Variants in GFRA3 observed in about 807,000 individuals in gnomAD.
The protein encoded by GFRA3 is GDNF family receptor alpha 3, also known as GDNF family receptor alpha-3.
Under a neutral mutation model 40.0 loss-of-function variants are expected in GFRA3, and 24 were observed. The observed-to-expected ratio is 0.60, with a 90% CI of 0.43 to 0.84. GFRA3 has a LOEUF of 0.84. Among genes scored for constraint, GFRA3 ranks in the 40% least tolerant of loss-of-function variants. The pLI is 0.00. For missense variants in GFRA3, 405 were observed against 530.6 expected, an observed-to-expected ratio of 0.76 and a Z score of 2.33; for synonymous variants, 203 against 213.5, an observed-to-expected ratio of 0.95 and a Z score of 0.43.
At chr5:138,263,295 G>A (rs1375643372) in intron 2 of GFRA3, among the ~76,000 whole-genome samples, 1 of 152,042 alleles carries the variant, frequency 6.6e-6, no homozygotes, top group East Asian at 1.9e-4. Flanking sequence ...GAGCTTTTAG[G>A]GCATCTTCCA....
At chr5:138,270,876 A>G (rs1248118830) in intron 1 of GFRA3, among the ~76,000 whole-genome samples, 1 of 152,136 alleles carries the variant, frequency 6.6e-6, no homozygotes, top group African/African-American at 2.4e-5. Flanking sequence ...ACATGGATTT[A>G]AAAAGATTGA....
chr5:138,259,582 G>C lies in GFRA3; in HGVS notation c.447C>G (p.Leu149=). 6.4e-7 allele frequency: 1 copy of C among 1,556,478 alleles called. No homozygotes were observed. The highest frequency in any genetic ancestry group is 8.9e-7 in the Non-Finnish European group (1 of 1,127,390). The change falls in exon 3 of 8, where the codon CTC becomes CTG. Residue 149 remains leucine (L), a synonymous_variant. Transcript: ENST00000274721. The part of the protein sequence containing the change: ...TVTSKPWKMN[L]SKLNMLKPDS... ...CTGGTTTGAGCATGTTCAGTTTGCT[G>C]AGATTCATTTTCCAGGGTTTGCTGG...
intron 4 of GFRA3, among the ~76,000 whole-genome samples, chr5:138,255,955 C>T (rs922761783): frequency 2.0e-5 from 3 of 150,540 alleles, no homozygotes; most frequent in Non-Finnish European, 4.4e-5. Context: ...TGGCTGGGCA[C>T]GGTGGCTCAC....
intron 1 of GFRA3, among the ~76,000 whole-genome samples, chr5:138,269,290 C>CT (rs1469258021): frequency 6.6e-6 from 1 of 151,572 alleles, no homozygotes; most frequent in East Asian, 2.0e-4. Context: ...AATCCCAGCA[C>CT]TTTGGGAGGC....
At position 138,257,955 on chromosome 5, in the gene GFRA3, G is replaced by A. The variant is rs368614593; in HGVS notation, c.473-4C>T. On this transcript the variant is annotated splice_polypyrimidine_tract_variant and splice_region_variant and intron_variant, in intron 3 of 7. Transcript: ENST00000274721. ...AACTTGAGGCAGAGGTCTGAGTCTGGGGGGAAAGGGCACGGAGTCAGTCGG... is the reference window on the plus strand; with the variant it reads ...AACTTGAGGCAGAGGTCTGAGTCTGAGGGGAAAGGGCACGGAGTCAGTCGG... The A allele has an allele frequency of 3.7e-6, 6 of 1,613,418 alleles. No homozygotes were observed. The highest frequency in any genetic ancestry group is 4.2e-6 in the Non-Finnish European group (5 of 1,179,460).
intron 4 of GFRA3, among the ~76,000 whole-genome samples, chr5:138,254,963 G>C (rs1755605543): frequency 6.6e-6 from 1 of 151,228 alleles, no homozygotes; most frequent in African/African-American, 2.4e-5. Context: ...AAGAGAAAGA[G>C]AGACAGAGAG....
chr5:138,270,334 T>C (rs553130120), intron 1 of GFRA3, among the ~76,000 whole-genome samples: 1 of 146,990 alleles, frequency 6.8e-6, no homozygotes, highest in Admixed American at 6.9e-5. Flanking sequence ...ATCACGCCAC[T>C]GCACTCCAGC....
At chr5:138,258,324 G>A (rs1003248090) in intron 3 of GFRA3, among the ~76,000 whole-genome samples, 6 of 151,568 alleles carry the variant, frequency 4.0e-5, no homozygotes, top group African/African-American at 1.2e-4. Context: ...GGGATTACAC[G>A]CATGCGCCAC....
In GFRA3 at chr5:138,264,375, C is replaced by T. The variant is rs781312493; in HGVS notation, c.265G>A (p.Ala89Thr). ...GAGCTGTTCCTGAGTTGCTGTGCTG[C>T]CTCCAGGCAGTCAGCAGGGACCGAA... is the stretch of plus-strand genomic sequence containing the variant. ...EPSVPADCLE[A>T]AQQLRNSSLI... Residue 89 changes from alanine to threonine, a missense_variant, in exon 2 of 8, where the codon GCA becomes ACA. Transcript: ENST00000274721. 2 of 1,613,762 alleles carry T rather than the reference C, an allele frequency of 1.2e-6. No homozygotes were observed. The highest frequency in any genetic ancestry group is 8.5e-7 in the Non-Finnish European group (1 of 1,179,616).
At chr5:138,260,540 G>A (rs972526871) in intron 2 of GFRA3, among the ~76,000 whole-genome samples, 2 of 152,136 alleles carry the variant, frequency 1.3e-5, no homozygotes, top group Non-Finnish European at 2.9e-5. Flanking sequence ...AGGCCTAGGC[G>A]GGTAGATCAC....
chr5:138,264,475 G>A lies in GFRA3; in HGVS notation c.165C>T (p.Pro55=), dbSNP rs1755754034. ...GGTGGTGGTAGGCAGCACTGCAGGTGGGATCAGCCTGGCACTTCCTCCTGG... is the reference window on the plus strand; with the variant it reads ...GGTGGTGGTAGGCAGCACTGCAGGTAGGATCAGCCTGGCACTTCCTCCTGG... The part of the protein sequence containing the change: ...LQARRKCQAD[P]TCSAAYHHLD... Residue 55 remains proline (P), a synonymous_variant, in exon 2 of 8, where the codon CCC becomes CCT. Transcript: ENST00000274721. 3 of 1,613,068 alleles carry A rather than the reference G, an allele frequency of 1.9e-6. No individual in the cohort carries two copies. Among genetic ancestry groups the A allele is most frequent in the African/African-American group, 2.7e-5 (2 of 74,872 alleles).
rs1755924584 is a variant in GFRA3, at chr5:138,274,585, A to AGCGCGCGTCCACACC, written c.-176_-162dup. On this transcript the variant is annotated 5_prime_UTR_variant, in exon 1 of 8. Coordinates refer to ENST00000274721, the MANE Select transcript of GFRA3 (RefSeq NM_001496.4). ...CCTGGGCGCCGCCCTCCAACTCCGAAGCGCGCGTCCACACCACGCGCCTCC... is the reference window on the plus strand; with the variant it reads ...CCTGGGCGCCGCCCTCCAACTCCGAAGCGCGCGTCCACACCGCGCGCGTCCACACCACGCGCCTCC... 1 of 1,219,604 alleles carries AGCGCGCGTCCACACC rather than the reference A, an allele frequency of 8.2e-7. No individual in the cohort carries two copies. The highest frequency in any genetic ancestry group is 1.0e-6 in the Non-Finnish European group (1 of 980,858). 75.5% of individuals were successfully genotyped at this position (1,219,604 alleles called of 1,614,324 possible). A position where few individuals can be genotyped will look rare whatever the true frequency, so the allele number is the denominator to read the frequency against.
intron 7 of GFRA3, 27 bp from the exon 8 acceptor site, chr5:138,253,084 C>T: frequency 7.6e-7 from 1 of 1,323,520 alleles, no homozygotes; most frequent in Non-Finnish European, 1.1e-6. Flanking sequence ...ATGGAGTTAG[C>T]TCAGGGGATT....
At chr5:138,262,578 G>A (rs1755727248) in intron 2 of GFRA3, among the ~76,000 whole-genome samples, 1 of 151,962 alleles carries the variant, frequency 6.6e-6, no homozygotes. Context: ...TCAGCCTCCC[G>A]AGTAGCTGGG....
chr5:138,252,768 C>A lies in GFRA3; in HGVS notation c.*200G>T, dbSNP rs775646123. ...CTAAATTGTGGCCACCAAGGAGGGG[C>A]AGCATGAATCAGAAGTGGAGATGGG... On this transcript the variant is annotated 3_prime_UTR_variant, in exon 8 of 8. Transcript: ENST00000274721. 93 of 476,526 alleles carry A rather than the reference C, an allele frequency of 2.0e-4. No individual in the cohort carries two copies. Among genetic ancestry groups the A allele is most frequent in the Non-Finnish European group, 3.2e-4 (85 of 262,236 alleles). The allele number at this position is 476,526 out of a possible 1,614,324, so 29.5% of individuals were successfully genotyped here. A position where few individuals can be genotyped will look rare whatever the true frequency, so the allele number is the denominator to read the frequency against.
Position 138,274,538 on chromosome 5 carries a change from GCA to G in GFRA3, c.-116_-115del. ...CCCGCCTCCCGCCCTCCAGCGCGACGCACACACTCTCCCACCAGGGTCCTGGG... is the reference window on the plus strand; with the variant it reads ...CCCGCCTCCCGCCCTCCAGCGCGACGCACACTCTCCCACCAGGGTCCTGGG... On this transcript the variant is annotated 5_prime_UTR_variant, in exon 1 of 8. Transcript: ENST00000274721. 8.1e-7 allele frequency: 1 copy of G among 1,232,138 alleles called. No homozygotes were observed. Among genetic ancestry groups the G allele is most frequent in the Non-Finnish European group, 1.0e-6 (1 of 987,392 alleles). The allele number at this position is 1,232,138 out of a possible 1,614,324, so 76.3% of individuals were successfully genotyped here.
rs1412808948 is a variant in GFRA3, at chr5:138,253,318, G to A, written c.1082C>T (p.Pro361Leu). ...TGCCATCACAGCAAAGGTAGGGTGT[G>A]GCCAGTCCTGGGAGAAGAGTTGGCT... is the stretch of plus-strand genomic sequence containing the variant. The part of the protein sequence containing the change: ...FHSQLFSQDW[P>L]HPTFAVMAHQ... Residue 361 changes from proline to leucine, a missense_variant, in exon 7 of 8, where the codon CCA (proline) becomes CTA (leucine). Pro to Leu is a moderately conservative substitution (Grantham distance 98, BLOSUM62 -3). Coordinates refer to ENST00000274721, the MANE Select transcript of GFRA3 (RefSeq NM_001496.4). 5.0e-6 allele frequency: 8 copies of A among 1,603,012 alleles called. No individual in the cohort carries two copies. Among genetic ancestry groups the A allele is most frequent in the Admixed American group, 1.7e-5 (1 of 58,606 alleles).
At position 138,252,725 on chromosome 5, in the gene GFRA3, C is replaced by T; in HGVS notation, c.*243G>A. The T allele has an allele frequency of 2.5e-6, 1 of 406,792 alleles. No individual in the cohort carries two copies. The allele number at this position is 406,792 out of a possible 1,614,324, so 25.2% of individuals were successfully genotyped here. A position where few individuals can be genotyped will look rare whatever the true frequency, so the allele number is the denominator to read the frequency against. On this transcript the variant is annotated 3_prime_UTR_variant, in exon 8 of 8. Coordinates refer to ENST00000274721, the MANE Select transcript of GFRA3 (RefSeq NM_001496.4). Reference sequence around the variant, plus strand: ...CAGAAAGGGGCTTGGTGGAGCTGGTCACCACCAGATGACATGGCTAAATTG... The same window carrying T: ...CAGAAAGGGGCTTGGTGGAGCTGGTTACCACCAGATGACATGGCTAAATTG...
At chr5:138,257,070 C>A (rs1395528321) in intron 4 of GFRA3, among the ~76,000 whole-genome samples, 1 of 152,152 alleles carries the variant, frequency 6.6e-6, no homozygotes, top group African/African-American at 2.4e-5. Flanking sequence ...TTAACTCTCA[C>A]CAGAATCCCA....
Sources: gnomAD v4.1 joint callset for allele counts (sites outside exome capture counted in the v4.1 genomes callset) on GRCh38, gnomAD v4.1.1 for gene constraint, MANE v1.5 for transcripts, NCBI Gene and HGNC (gene_info 2026-07-23, HGNC 2026-07-21) for gene names.